JMY: variants seen among roughly 807,000 people sequenced by gnomAD.
JMY encodes junction mediating and regulatory protein, p53 cofactor.
In JMY, 46 loss-of-function variants were observed where a neutral mutation model predicts 103.3. That is an observed-to-expected ratio of 0.45 (90% CI 0.35 to 0.57). JMY has a LOEUF of 0.57. Ranked by LOEUF, JMY falls within the 20% of genes least tolerant of loss-of-function variation. The pLI is 0.00. For synonymous variants in JMY, 526 were observed against 489.3 expected, an observed-to-expected ratio of 1.07 and a Z score of -0.99; for missense variants, 1,238 against 1,255.2, an observed-to-expected ratio of 0.99 and a Z score of 0.21.
chr5:79,268,503 C>A (rs939841235), intron 1 of JMY, among the ~76,000 whole-genome samples: 1 of 151,574 alleles, frequency 6.6e-6, no homozygotes, highest in African/African-American at 2.4e-5. Flanking sequence ...TTATTTATTT[C>A]TTGAGATGGC....
chr5:79,243,126 G>A (rs1163842240), intron 1 of JMY, among the ~76,000 whole-genome samples: 1 of 152,138 alleles, frequency 6.6e-6, no homozygotes, highest in East Asian at 1.9e-4. Context: ...TATCTTAATG[G>A]CTAAGCTGGA....
intron 2 of JMY, among the ~76,000 whole-genome samples, chr5:79,282,932 G>T (rs1746162001): frequency 1.3e-5 from 2 of 151,254 alleles, no homozygotes; most frequent in African/African-American, 4.8e-5. Flanking sequence ...ATGGACAGTT[G>T]TGTCTGTTGG....
At chr5:79,270,245 T>C (rs1561297443) in intron 1 of JMY, among the ~76,000 whole-genome samples, 1 of 149,962 alleles carries the variant, frequency 6.7e-6, no homozygotes, top group Admixed American at 6.7e-5. Flanking sequence ...GGGAACACCA[T>C]TAAATATAAA....
intron 2 of JMY, among the ~76,000 whole-genome samples, chr5:79,283,653 T>A (rs1001014666): frequency 5.3e-5 from 8 of 152,178 alleles, no homozygotes; most frequent in Admixed American, 1.3e-4. Context: ...ACTAGTAGTA[T>A]CAGTATAACC....
chr5:79,300,959 T>G, intron 6 of JMY, 96 bp downstream of exon 6: 2 of 1,022,106 alleles, frequency 2.0e-6, no homozygotes, highest in South Asian at 3.5e-5. Flanking sequence ...GTTTTAAAAC[T>G]AAGTAAGCAC....
intron 1 of JMY, among the ~76,000 whole-genome samples, chr5:79,238,162 T>C (rs1253972093): frequency 6.6e-6 from 1 of 152,220 alleles, no homozygotes; most frequent in Non-Finnish European, 1.5e-5. Context: ...TTTAAATTCA[T>C]TTTTAAACGA....
chr5:79,261,451 G>T (rs1295492225), intron 1 of JMY, among the ~76,000 whole-genome samples: 1 of 152,236 alleles, frequency 6.6e-6, no homozygotes, highest in East Asian at 1.9e-4. Context: ...CAGCTACTCA[G>T]GAGGCTGAGA....
intron 4 of JMY, among the ~76,000 whole-genome samples, chr5:79,299,481 A>G (rs896922144): frequency 6.6e-5 from 10 of 152,070 alleles, no homozygotes; most frequent in Admixed American, 3.3e-4. Flanking sequence ...CCGAGAACTG[A>G]CCAACCAAGC....
chr5:79,307,821 G>A (rs766138742), intron 7 of JMY, among the ~76,000 whole-genome samples: 7 of 151,880 alleles, frequency 4.6e-5, no homozygotes, highest in African/African-American at 1.2e-4. Flanking sequence ...TCACTGCAAC[G>A]TCCATCTCCT....
Position 79,273,861 on chromosome 5 carries a change from C to T in JMY, c.1033-4049C>T, listed in dbSNP as rs371121008. Among the ~76,000 whole-genome samples the T allele has an allele frequency of 1.9e-4, 29 of 152,038 alleles. 1 individual carries two copies. The highest frequency in any genetic ancestry group is 6.6e-4 in the Admixed American group (10 of 15,266). ...CTTTTTTCTTTTTGAGATGGAGTCT[C>T]GCTCTGTTGCCCATCCTGGAGTGCA... On this transcript the variant is annotated intron_variant, in intron 1 of 10. Coordinates refer to ENST00000396137, the MANE Select transcript of JMY (RefSeq NM_152405.5).
chr5:79,249,407 T>C (rs1745007870), intron 1 of JMY, among the ~76,000 whole-genome samples: 1 of 152,210 alleles, frequency 6.6e-6, no homozygotes, highest in South Asian at 2.1e-4. Context: ...GGAAATGATA[T>C]GCCAGCTCAT....
chr5:79,321,202 A>G (rs181740333), intron 10 of JMY, among the ~76,000 whole-genome samples: 4 of 152,344 alleles, frequency 2.6e-5, no homozygotes, highest in African/African-American at 4.8e-5. Flanking sequence ...ACACTTTTCA[A>G]TAAAATGCCC....
intron 1 of JMY, among the ~76,000 whole-genome samples, chr5:79,244,840 T>G (rs1744844308): frequency 6.6e-6 from 1 of 151,820 alleles, no homozygotes; most frequent in Non-Finnish European, 1.5e-5. Context: ...TTTGTTTTTT[T>G]TTTTTTTGGT....
intron 1 of JMY, among the ~76,000 whole-genome samples, 200 bp downstream of exon 1, chr5:79,237,882 G>C (rs1020499367): frequency 1.3e-5 from 2 of 151,906 alleles, no homozygotes; most frequent in African/African-American, 4.8e-5. Flanking sequence ...AAGGACCTTC[G>C]TCTTTATTTC....
rs1347150217 is a variant in JMY at position 79,325,754 on chromosome 5, A to G, written c.*4152A>G. ...CTTAATTGCTTTGTAAAATGAAGCAATGGTATTTTTTATCCGATATAGTGT... is the reference window on the plus strand; with the variant it reads ...CTTAATTGCTTTGTAAAATGAAGCAGTGGTATTTTTTATCCGATATAGTGT... On this transcript the variant is annotated 3_prime_UTR_variant, in exon 11 of 11. Transcript: ENST00000396137. 3 of 152,140 alleles carry G rather than the reference A, an allele frequency of 2.0e-5. No individual in the cohort carries two copies. Among genetic ancestry groups the G allele is most frequent in the African/African-American group, 7.2e-5 (3 of 41,436 alleles). The allele number at this position is 152,140 out of a possible 1,614,324, so 9.4% of individuals were successfully genotyped here. A position where few individuals can be genotyped will look rare whatever the true frequency, so the allele number is the denominator to read the frequency against.
At chr5:79,257,599 C>T (rs1456221564) in intron 1 of JMY, among the ~76,000 whole-genome samples, 2 of 152,204 alleles carry the variant, frequency 1.3e-5, no homozygotes, top group Non-Finnish European at 2.9e-5. Flanking sequence ...GTGACCCTGT[C>T]TCAAACAAAC....
intron 1 of JMY, among the ~76,000 whole-genome samples, chr5:79,268,527 G>A (rs866925042): frequency 2.0e-5 from 3 of 151,578 alleles, no homozygotes; most frequent in Non-Finnish European, 4.4e-5. Context: ...TCGCTCTGTC[G>A]CCCAGGCTGG....
At chr5:79,300,075 T>A in intron 4 of JMY, 78 bp from the exon 5 acceptor site, 2 of 1,149,318 alleles carry the variant, frequency 1.7e-6, no homozygotes, top group South Asian at 1.3e-5. Flanking sequence ...GCTATCTGAT[T>A]AGTATTAATT....
At chr5:79,315,814 T>C (rs916435283) in intron 9 of JMY, among the ~76,000 whole-genome samples, 186 bp from the exon 10 acceptor site, 3 of 152,178 alleles carry the variant, frequency 2.0e-5, no homozygotes, top group Admixed American at 6.5e-5. Context: ...CTTGGGATTT[T>C]CTAAAAAGAA....
Sources: gnomAD v4.1 joint callset for allele counts (sites outside exome capture counted in the v4.1 genomes callset) on GRCh38, gnomAD v4.1.1 for gene constraint, MANE v1.5 for transcripts, NCBI Gene and HGNC (gene_info 2026-07-23, HGNC 2026-07-21) for gene names.